Variants in AGR3 observed in about 807,000 individuals in gnomAD.
The protein encoded by AGR3 is anterior gradient protein 3.
In AGR3, 37 loss-of-function variants were observed where a neutral mutation model predicts 24.5. That is an observed-to-expected ratio of 1.51 (90% CI 1.16 to 1.99). The LOEUF (loss-of-function observed/expected upper bound fraction) is 1.99, where lower values mean the gene tolerates loss of function less well. Ranked by LOEUF, AGR3 falls within the 30% of genes most tolerant of loss-of-function variation. The pLI is 0.00. For synonymous variants in AGR3, 75 were observed against 61.6 expected, an observed-to-expected ratio of 1.22 and a Z score of -1.02; for missense variants, 228 against 191.1, an observed-to-expected ratio of 1.19 and a Z score of -1.14.
At chr7:16,855,591 G>A (rs1450754186), downstream of AGR3, among the ~76,000 whole-genome samples, 1 of 152,168 alleles carries the variant, frequency 6.6e-6, no homozygotes, top group African/African-American at 2.4e-5. Flanking sequence ...AGAGAAGGGG[G>A]CTGGGGACAG....
intron 3 of AGR3, chr7:16,865,861 C>A: frequency 2.7e-6 from 2 of 733,788 alleles, no homozygotes; most frequent in Non-Finnish European, 5.1e-6. Context: ...CCTTTGATAG[C>A]GTTTTTTTGG....
At chr7:16,863,561 C>T (rs956153965) in intron 3 of AGR3, among the ~76,000 whole-genome samples, 1 of 151,962 alleles carries the variant, frequency 6.6e-6, no homozygotes, top group Non-Finnish European at 1.5e-5. Context: ...GTTTTCAGGT[C>T]ATATAACTGA....
intron 7 of AGR3, 131 bp from the exon 8 acceptor site, chr7:16,859,762 T>C (rs1172303657): frequency 5.4e-6 from 3 of 552,742 alleles, no homozygotes; most frequent in Non-Finnish European, 3.1e-6. Context: ...GTCTATGACA[T>C]TAAAGAATAT....
At chr7:16,870,854 C>T (rs1241170023) in intron 3 of AGR3, among the ~76,000 whole-genome samples, 1 of 152,062 alleles carries the variant, frequency 6.6e-6, no homozygotes, top group Non-Finnish European at 1.5e-5. Context: ...AGACTTCTTT[C>T]TTTTCTAATG....
chr7:16,855,274 A>G (rs6951775), downstream of AGR3, among the ~76,000 whole-genome samples: 121,026 of 152,064 alleles, frequency 0.8, 48,478 homozygotes, highest in East Asian at 0.91. Context: ...TGAGATACTG[A>G]GGGATAGGAC....
Position 16,859,591 on chromosome 7 carries a change from T to A in AGR3, c.492A>T (p.Ser164=). ...NMKKALRLIQ[S]EL is the part of the protein sequence containing the mutation. ...TTTTTTCCATCATCTCTTATAGCTC[T>A]GACTGAATAAGTCTTAATGCTTTCT... The change falls in exon 8 of 8, where the codon TCA becomes TCT. Residue 164 remains serine (S), a synonymous_variant. Transcript: ENST00000310398. 1 of 1,555,690 alleles carries A rather than the reference T, an allele frequency of 6.4e-7. No homozygotes were observed.
chr7:16,874,590 G>A (rs928854070), intron 2 of AGR3, among the ~76,000 whole-genome samples: 1 of 152,126 alleles, frequency 6.6e-6, no homozygotes, highest in Non-Finnish European at 1.5e-5. Flanking sequence ...CTACGAATGA[G>A]AGAGATTGAA....
At position 16,861,438 on chromosome 7, in the gene AGR3, T is replaced by C. The variant is rs188735624; in HGVS notation, c.313A>G (p.Thr105Ala). The stretch of plus-strand genomic sequence containing the variant: ...CCATCAGGTGATAAATTCTTATCAG[T>C]GGTTTCATGCTAGCAGGAGAAGAAA... ...FIMLNLMHETTDKNLSPDGQY... is the reference protein window; with the variant it reads ...FIMLNLMHETADKNLSPDGQY... The change falls in exon 6 of 8, where the codon ACT (threonine) becomes GCT (alanine). Residue 105 changes from threonine to alanine, a missense_variant. By Grantham distance (58) the Thr-to-Ala change is moderately conservative. Transcript: ENST00000310398. The C allele has an allele frequency of 1.0e-4, 162 of 1,610,810 alleles. No homozygotes were observed. In the East Asian group the frequency reaches 2.7e-3, roughly 26 times the overall value.
At chr7:16,860,034 T>A (rs192030797) in intron 7 of AGR3, among the ~76,000 whole-genome samples, 60 of 151,642 alleles carry the variant, frequency 4.0e-4, no homozygotes, top group Non-Finnish European at 6.8e-4. Flanking sequence ...GGTGGGAGGA[T>A]CACTTGAGGC....
Position 16,859,587 on chromosome 7 carries a change from G to T in AGR3, c.496C>A (p.Leu166Ile). The change falls in exon 8 of 8, where the codon CTA (leucine) becomes ATA (isoleucine). Residue 166 changes from leucine to isoleucine, a missense_variant. Leu to Ile is a conservative substitution (Grantham distance 5). Coordinates refer to ENST00000310398, the MANE Select transcript of AGR3 (RefSeq NM_176813.5). ...AGGCTTTTTTCCATCATCTCTTATA[G>T]CTCTGACTGAATAAGTCTTAATGCT... Reference protein sequence around the residue: ...KKALRLIQSEL With the variant: ...KKALRLIQSEI The T allele has an allele frequency of 6.4e-7, 1 of 1,554,606 alleles. No homozygotes were observed. The highest frequency in any genetic ancestry group is 8.8e-7 in the Non-Finnish European group (1 of 1,140,364).
chr7:16,864,271 C>G lies in AGR3; in HGVS notation c.174-1609G>C, dbSNP rs192397534. The stretch of plus-strand genomic sequence containing the variant: ...TGATTAGCAGGCTGGCTTCTATGTC[C>G]CATCACTCTCATAGTCTTCTATTAT... On this transcript the variant is annotated intron_variant, in intron 3 of 7. Transcript: ENST00000310398. 186 of 1,338,842 alleles carry G rather than the reference C, an allele frequency of 1.4e-4. No homozygotes were observed. In the African/African-American group the frequency reaches 2.2e-3, roughly 16 times the overall value. The allele number at this position is 1,338,842 out of a possible 1,614,324, so 82.9% of individuals were successfully genotyped here.
chr7:16,860,952 T>A (rs1041226453), intron 6 of AGR3, among the ~76,000 whole-genome samples: 2 of 152,366 alleles, frequency 1.3e-5, no homozygotes, highest in Middle Eastern at 3.4e-3. Context: ...GGCCTCTGGC[T>A]ACATCCATAA....
chr7:16,860,812 C>T (rs937970677), intron 6 of AGR3, among the ~76,000 whole-genome samples: 6 of 152,112 alleles, frequency 3.9e-5, no homozygotes, highest in Admixed American at 2.0e-4. Flanking sequence ...CTCCTTCCCC[C>T]GTTTTGGAGT....
At chr7:16,863,253 ATG>A (rs1781684450) in intron 3 of AGR3, among the ~76,000 whole-genome samples, 1 of 152,234 alleles carries the variant, frequency 6.6e-6, no homozygotes, top group Non-Finnish European at 1.5e-5. Flanking sequence ...ATTATGAACA[ATG>A]TATTCATTTC....
chr7:16,865,496 C>G lies in AGR3; in HGVS notation c.174-2834G>C, dbSNP rs1018648556. 10 of 719,282 alleles carry G rather than the reference C, an allele frequency of 1.4e-5. No homozygotes were observed. In the East Asian group the frequency reaches 2.5e-4, roughly 18 times the overall value. 44.6% of individuals were successfully genotyped at this position (719,282 alleles called of 1,614,324 possible). A position where few individuals can be genotyped will look rare whatever the true frequency, so the allele number is the denominator to read the frequency against. ...GCTCTTCCCGAATTTCTTTGGGGAACAAGAAACTTTGATTATTTTTACCAC... is the reference window on the plus strand; with the variant it reads ...GCTCTTCCCGAATTTCTTTGGGGAAGAAGAAACTTTGATTATTTTTACCAC... On this transcript the variant is annotated intron_variant, in intron 3 of 7. Coordinates refer to ENST00000310398, the MANE Select transcript of AGR3 (RefSeq NM_176813.5).
intron 1 of AGR3, among the ~76,000 whole-genome samples, chr7:16,879,303 A>G (rs1041440395): frequency 7.2e-5 from 11 of 152,246 alleles, no homozygotes; most frequent in African/African-American, 2.7e-4. Context: ...ATAGAGAAGA[A>G]TAGACTGTCA....
Position 16,860,462 on chromosome 7 carries a change from G to T in AGR3, c.451+38C>A, listed in dbSNP as rs1163031767. 3.5e-6 allele frequency: 5 copies of T among 1,447,674 alleles called. No homozygotes were observed. The African/African-American group carries it at 7.0e-5, about 20-fold the overall frequency. 89.7% of individuals were successfully genotyped at this position (1,447,674 alleles called of 1,614,324 possible). On this transcript the variant is annotated intron_variant, in intron 7 of 7. Transcript: ENST00000310398. ...GCCCTTAACAAATAGTCAGGGGTCAGCTATGACCACTGTTTGAGATCATTT... is the reference window on the plus strand; with the variant it reads ...GCCCTTAACAAATAGTCAGGGGTCATCTATGACCACTGTTTGAGATCATTT...
intron 3 of AGR3, chr7:16,865,553 A>T: frequency 2.9e-6 from 2 of 692,486 alleles, no homozygotes; most frequent in South Asian, 3.2e-5. Context: ...ATATAAAAGG[A>T]TATCGACCAA....
intron 3 of AGR3, among the ~76,000 whole-genome samples, chr7:16,871,089 A>C (rs1781855838): frequency 6.6e-6 from 1 of 152,170 alleles, no homozygotes; most frequent in Admixed American, 6.5e-5. Flanking sequence ...CATTCAAGGA[A>C]TACTTGACTG....
Sources: allele counts gnomAD v4.1 joint callset (sites outside exome capture counted in the v4.1 genomes callset), GRCh38; gene constraint gnomAD v4.1.1; transcripts MANE v1.5; gene names NCBI Gene and HGNC (gene_info 2026-07-23, HGNC 2026-07-21).